CAMTA1: variants seen among roughly 807,000 people sequenced by gnomAD.
CAMTA1 encodes calmodulin binding transcription activator 1.
In CAMTA1, 27 loss-of-function variants were observed where a neutral mutation model predicts 170.9. The ratio of observed to expected loss-of-function variants is 0.16; its 90% confidence interval spans 0.12 to 0.22. The LOEUF is 0.22. Ranked by LOEUF, CAMTA1 falls within the 10% of genes least tolerant of loss-of-function variation. The pLI, the probability that CAMTA1 is intolerant of heterozygous loss-of-function variation, is 1.00. For synonymous variants in CAMTA1, 833 were observed against 891.5 expected, an observed-to-expected ratio of 0.93 and a Z score of 1.17; for missense variants, 1,619 against 2,217.2, an observed-to-expected ratio of 0.73 and a Z score of 5.42.
At chr1:7,029,345 C>CA (rs1702463178) in intron 3 of CAMTA1, among the ~76,000 whole-genome samples, 1 of 151,726 alleles carries the variant, frequency 6.6e-6, no homozygotes, top group Admixed American at 6.6e-5. Flanking sequence ...ACTAAATATA[C>CA]AAAAAAATTA....
chr1:7,490,075 A>G (rs968197818), intron 6 of CAMTA1, among the ~76,000 whole-genome samples: 6 of 152,182 alleles, frequency 3.9e-5, no homozygotes, highest in African/African-American at 7.2e-5. Context: ...CTTCAGGGTG[A>G]CTGCTTTCTG....
intron 4 of CAMTA1, among the ~76,000 whole-genome samples, chr1:7,163,000 G>T (rs901951606): frequency 6.6e-6 from 1 of 151,796 alleles, no homozygotes; most frequent in African/African-American, 2.4e-5. Flanking sequence ...CAGCAAGCGG[G>T]GAGGCAGGAG....
At chr1:7,559,123 G>A (rs1194821827) in intron 6 of CAMTA1, among the ~76,000 whole-genome samples, 1 of 152,184 alleles carries the variant, frequency 6.6e-6, no homozygotes, top group African/African-American at 2.4e-5. Flanking sequence ...GCGGCAGCTG[G>A]CACCGGTGGT....
intron 5 of CAMTA1, among the ~76,000 whole-genome samples, chr1:7,342,045 G>A (rs1319373456): frequency 6.6e-6 from 1 of 152,238 alleles, no homozygotes; most frequent in Non-Finnish European, 1.5e-5. Flanking sequence ...ACCGTAGAAG[G>A]TAGGTGCCAT....
chr1:7,572,180 G>A (rs972827082), intron 6 of CAMTA1, among the ~76,000 whole-genome samples: 4 of 152,236 alleles, frequency 2.6e-5, no homozygotes, highest in Non-Finnish European at 4.4e-5. Context: ...ATGTTTTAAC[G>A]GGGTTGTTTG....
intron 4 of CAMTA1, among the ~76,000 whole-genome samples, chr1:7,223,044 T>C (rs1242970291): frequency 6.6e-6 from 1 of 152,272 alleles, no homozygotes; most frequent in African/African-American, 2.4e-5. Context: ...CTTCCCTTGA[T>C]GACCAACGCT....
In CAMTA1 at chr1:7,681,291, C is replaced by T. The variant is rs919102649; in HGVS notation, c.2914+3558C>T. The stretch of plus-strand genomic sequence containing the variant: ...CACACGTGAATGAGTGCAGGAGGGA[C>T]TGTCAAAAAGCTGAATCCAACTAGT... On this transcript the variant is annotated intron_variant, in intron 11 of 22. Transcript: ENST00000303635. The surrounding 1 kb of genome is among the most constrained non-coding windows in gnomAD (Gnocchi z 4.6). Among the ~76,000 whole-genome samples, 4 of 152,162 alleles carry T rather than the reference C, an allele frequency of 2.6e-5. No individual in the cohort carries two copies. The highest frequency in any genetic ancestry group is 9.7e-5 in the African/African-American group (4 of 41,440).
chr1:7,036,914 G>A (rs546025299), intron 3 of CAMTA1, among the ~76,000 whole-genome samples: 1 of 152,302 alleles, frequency 6.6e-6, no homozygotes, highest in Admixed American at 6.5e-5. Context: ...TCTTGTCTTC[G>A]GGGTTAATTG....
rs143122460 is a variant in CAMTA1, at chr1:7,545,250, A to G, written c.510+77349A>G. ...TACAATTCAAAGAAACTTTTTTCTGAACCATTTGAAATTTGCCAGCCTGAT... is the reference window on the plus strand; with the variant it reads ...TACAATTCAAAGAAACTTTTTTCTGGACCATTTGAAATTTGCCAGCCTGAT... On this transcript the variant is annotated intron_variant, in intron 6 of 22. Transcript: ENST00000303635. Among the ~76,000 whole-genome samples, 324 of 152,284 alleles carry G rather than the reference A, an allele frequency of 2.1e-3. 5 individuals are homozygous for G. Among genetic ancestry groups the G allele is most frequent in the African/African-American group, 7.3e-3 (302 of 41,570 alleles).
intron 6 of CAMTA1, among the ~76,000 whole-genome samples, chr1:7,636,872 G>A (rs34385366): frequency 0.099 from 15,030 of 152,234 alleles, 1,009 homozygotes; most frequent in African/African-American, 0.19. Context: ...TTGGACTGTC[G>A]TAGCTGCAGG....
At chr1:7,410,824 T>C (rs927876891) in intron 5 of CAMTA1, among the ~76,000 whole-genome samples, 14 of 152,054 alleles carry the variant, frequency 9.2e-5, no homozygotes, top group Non-Finnish European at 5.9e-5. Flanking sequence ...CACGGGGCGC[T>C]CTGCTGGGAG....
chr1:7,166,603 T>C (rs564468876), intron 4 of CAMTA1, among the ~76,000 whole-genome samples: 1 of 152,294 alleles, frequency 6.6e-6, no homozygotes, highest in Non-Finnish European at 1.5e-5. Context: ...GCCATTTGGG[T>C]TTCTTCTGTG....
Position 7,007,590 on chromosome 1 carries a change from AT to A in CAMTA1, c.235-83713del, listed in dbSNP as rs923966238. On this transcript the variant is annotated intron_variant, in intron 3 of 22. Coordinates refer to ENST00000303635, the MANE Select transcript of CAMTA1 (RefSeq NM_015215.4). This position sits in a 1 kb window ranked among gnomAD's most constrained non-coding sequence, Gnocchi z 4.5. Reference sequence around the variant, plus strand: ...CTTCAGCCCTTACTCGCCTCCTCCAATCCCAAACTCCTCCCATCCTCAGGTG... The same window carrying A: ...CTTCAGCCCTTACTCGCCTCCTCCAACCCAAACTCCTCCCATCCTCAGGTG... 8.6e-5 allele frequency among the ~76,000 whole-genome samples: 13 copies of A among 151,908 alleles called. No individual in the cohort carries two copies. The highest frequency in any genetic ancestry group is 2.7e-4 in the African/African-American group (11 of 41,346).
rs977876190 is a variant in CAMTA1, at chr1:7,674,340, GTGA to G, written c.2780-3258_2780-3256del. ...AAGTTAGGGCAGTGAGCTGAGGGCA[GTGA>G]GCAGCAGTGAGTGAGAGGAGGTGCT... On this transcript the variant is annotated intron_variant, in intron 10 of 22. Transcript: ENST00000303635. The surrounding 1 kb of genome is among the most constrained non-coding windows in gnomAD (Gnocchi z 4.1). Among the ~76,000 whole-genome samples, 126 of 132,874 alleles carry G rather than the reference GTGA, an allele frequency of 9.5e-4. No homozygotes were observed. Among genetic ancestry groups the G allele is most frequent in the Non-Finnish European group, 9.1e-4 (53 of 58,098 alleles). 87.2% of individuals were successfully genotyped at this position (132,874 alleles called of 152,430 possible).
chr1:7,663,513 C>T lies in CAMTA1; in HGVS notation c.966C>T (p.Ser322=). The T allele has an allele frequency of 6.2e-7, 1 of 1,602,504 alleles. No individual in the cohort carries two copies. Among genetic ancestry groups the T allele is most frequent in the Non-Finnish European group, 8.5e-7 (1 of 1,171,102 alleles). ...KHEHSHSKGS[S]REKRNGKVAK... is the part of the protein sequence containing the mutation. ...AGCACAGCCACAGCAAGGGCTCCAG[C>T]CGTGAGAAGAGGAACGGCAAGGTGG... Residue 322 remains serine, a synonymous_variant, in exon 9 of 23, where the codon AGC becomes AGT. Coordinates refer to ENST00000303635, the MANE Select transcript of CAMTA1 (RefSeq NM_015215.4).
chr1:7,100,046 G>A (rs1001985044), intron 4 of CAMTA1, among the ~76,000 whole-genome samples: 12 of 152,152 alleles, frequency 7.9e-5, no homozygotes, highest in Non-Finnish European at 1.0e-4. Context: ...ACAGATGTGT[G>A]AGCTCCCTCT....
chr1:7,232,159 G>A (rs1260217532), intron 4 of CAMTA1, among the ~76,000 whole-genome samples: 2 of 152,210 alleles, frequency 1.3e-5, no homozygotes, highest in Non-Finnish European at 2.9e-5. Flanking sequence ...CCAGCCCTTT[G>A]TCTCTGGCCT....
At chr1:7,717,659 T>C (rs962648942) in intron 11 of CAMTA1, among the ~76,000 whole-genome samples, 3 of 151,678 alleles carry the variant, frequency 2.0e-5, no homozygotes, top group African/African-American at 7.3e-5. Context: ...AGGCAGGAGG[T>C]AGAGGCTGTG....
Position 7,243,021 on chromosome 1 carries a change from A to G in CAMTA1, c.303-6470A>G, listed in dbSNP as rs752600327. 6.1e-4 allele frequency among the ~76,000 whole-genome samples: 93 copies of G among 152,168 alleles called. 1 individual carries two copies. Among genetic ancestry groups the G allele is most frequent in the Non-Finnish European group, 4.9e-4 (33 of 68,040 alleles). ...TGACTTCTTCTCCCACTGACTTGAG[A>G]TACCTCCTTGATTGTGTATACTGAA... On this transcript the variant is annotated intron_variant, in intron 4 of 22. Coordinates refer to ENST00000303635, the MANE Select transcript of CAMTA1 (RefSeq NM_015215.4).
Sources: allele counts gnomAD v4.1 joint callset (sites outside exome capture counted in the v4.1 genomes callset), GRCh38; gene constraint gnomAD v4.1.1; non-coding constraint Gnocchi (gnomAD v3.1); transcripts MANE v1.5; gene names NCBI Gene and HGNC (gene_info 2026-07-23, HGNC 2026-07-21).